Variants in PLEKHG1 observed in about 807,000 individuals in gnomAD.
PLEKHG1 encodes pleckstrin homology domain-containing family G member 1.
A neutral mutation model predicts 100.8 loss-of-function variants in PLEKHG1; 44 were observed. The observed-to-expected ratio is 0.44, with a 90% CI of 0.34 to 0.56. The LOEUF (loss-of-function observed/expected upper bound fraction) is 0.56. Ranked by LOEUF, PLEKHG1 falls within the 20% of genes least tolerant of loss-of-function variation. PLEKHG1 has a pLI of 0.01. For missense variants in PLEKHG1, 1,545 were observed against 1,720.9 expected, an observed-to-expected ratio of 0.90 and a Z score of 1.81; for synonymous variants, 640 against 662.5, an observed-to-expected ratio of 0.97 and a Z score of 0.52.
chr6:150,634,952 A>T (rs939268688), intron 1 of PLEKHG1, among the ~76,000 whole-genome samples: 1 of 152,216 alleles, frequency 6.6e-6, no homozygotes, highest in Non-Finnish European at 1.5e-5. Flanking sequence ...TGGGGGATGT[A>T]GAAACTTAAA....
intron 5 of PLEKHG1, among the ~76,000 whole-genome samples, chr6:150,797,284 A>T (rs1786398838): frequency 6.6e-6 from 1 of 152,166 alleles, no homozygotes; most frequent in African/African-American, 2.4e-5. Context: ...CAGCACGCTG[A>T]GCCCTGAGTG....
chr6:150,619,097 A>G (rs1171901207), intron 1 of PLEKHG1, among the ~76,000 whole-genome samples: 1 of 152,154 alleles, frequency 6.6e-6, no homozygotes, highest in Non-Finnish European at 1.5e-5. Context: ...AAAGAAAAAG[A>G]AAAAACAGTT....
intron 1 of PLEKHG1, among the ~76,000 whole-genome samples, chr6:150,601,515 C>T (rs1776358520): frequency 6.6e-6 from 1 of 152,124 alleles, no homozygotes; most frequent in African/African-American, 2.4e-5. Flanking sequence ...AGAAAAGTAA[C>T]GGGTTGATGT....
chr6:150,713,266 C>T (rs2128605222), intron 3 of PLEKHG1, among the ~76,000 whole-genome samples: 1 of 152,102 alleles, frequency 6.6e-6, no homozygotes, highest in Non-Finnish European at 1.5e-5. Context: ...CCTTCATTGC[C>T]TTCTTTAGTT....
At chr6:150,821,045 A>T (rs1776264530) in intron 12 of PLEKHG1, 150 bp from the exon 14 acceptor site, 1 of 631,718 alleles carries the variant, frequency 1.6e-6, no homozygotes, top group South Asian at 2.0e-5. Context: ...GCTCCTGTGT[A>T]TCTCTGAGCA....
intron 2 of PLEKHG1, among the ~76,000 whole-genome samples, chr6:150,759,284 A>G (rs9397354): frequency 0.37 from 55,957 of 151,918 alleles, 12,659 homozygotes; most frequent in African/African-American, 0.62. Context: ...TGGGTACCGC[A>G]TGTGAATGGG....
intron 1 of PLEKHG1, among the ~76,000 whole-genome samples, chr6:150,631,492 A>G (rs1777745608): frequency 6.6e-6 from 1 of 152,206 alleles, no homozygotes; most frequent in Admixed American, 6.5e-5. Flanking sequence ...CCTTACACCT[A>G]GTGGAGTCGG....
At chr6:150,802,912 G>A (rs1007921143) in intron 6 of PLEKHG1, among the ~76,000 whole-genome samples, 5 of 151,846 alleles carry the variant, frequency 3.3e-5, no homozygotes, top group East Asian at 3.9e-4. Flanking sequence ...CACCCACCTC[G>A]GCCCCTCAAA....
At chr6:150,673,978 T>G (rs1779657961) in intron 3 of PLEKHG1, among the ~76,000 whole-genome samples, 1 of 152,184 alleles carries the variant, frequency 6.6e-6, no homozygotes, top group African/African-American at 2.4e-5. Context: ...GAACTGTTTT[T>G]TTCTAAGCTC....
intron 2 of PLEKHG1, among the ~76,000 whole-genome samples, chr6:150,764,134 T>TTTTAA (rs58030958): frequency 6.6e-6 from 1 of 151,630 alleles, no homozygotes; most frequent in Non-Finnish European, 1.5e-5. Flanking sequence ...TTTTTTTTTT[T>TTTTAA]AAGACAGAGT....
chr6:150,749,489 C>A (rs1209324014), intron 2 of PLEKHG1, among the ~76,000 whole-genome samples: 2 of 152,082 alleles, frequency 1.3e-5, no homozygotes, highest in African/African-American at 4.8e-5. Flanking sequence ...GTGACATTAC[C>A]CTTTTTTCCC....
upstream of PLEKHG1, among the ~76,000 whole-genome samples, chr6:150,719,220 CTG>C (rs1781560729): frequency 1.3e-5 from 2 of 152,054 alleles, no homozygotes; most frequent in African/African-American, 4.8e-5. Flanking sequence ...AGCAACTTTG[CTG>C]TCTTTGTTTA....
chr6:150,819,116 ATT>A (rs56049606), intron 11 of PLEKHG1, among the ~76,000 whole-genome samples: 177 of 132,994 alleles, frequency 1.3e-3, no homozygotes, highest in Middle Eastern at 3.8e-3. Flanking sequence ...TTGCCTTCGG[ATT>A]TTTTTTTTTT....
chr6:150,744,349 C>T lies in PLEKHG1; in HGVS notation c.411+10257C>T, dbSNP rs185031545. ...TCGGCCTCCCAAAGTGTTGGGATTACAGGTGTGAGCCACCGCGCCTGGCCC... is the reference window on the plus strand; with the variant it reads ...TCGGCCTCCCAAAGTGTTGGGATTATAGGTGTGAGCCACCGCGCCTGGCCC... On this transcript the variant is annotated intron_variant, in intron 2 of 15. Transcript: ENST00000358517. Among the ~76,000 whole-genome samples, 15 of 152,330 alleles carry T rather than the reference C, an allele frequency of 9.8e-5. No homozygotes were observed. The East Asian group carries it at 1.5e-3, about 16-fold the overall frequency.
chr6:150,827,667 A>C, intron 14 of PLEKHG1: 1 of 891,672 alleles, frequency 1.1e-6, no homozygotes, highest in Non-Finnish European at 1.9e-6. Context: ...AACAAGATGC[A>C]GGACCCCAAC....
intron 3 of PLEKHG1, among the ~76,000 whole-genome samples, chr6:150,702,405 G>A (rs918632050): frequency 2.0e-5 from 3 of 152,162 alleles, no homozygotes; most frequent in African/African-American, 7.2e-5. Context: ...CAGAGGCAGA[G>A]GTTGCAGAGA....
chr6:150,744,926 G>GT (rs1783073021), intron 2 of PLEKHG1, among the ~76,000 whole-genome samples: 1 of 152,194 alleles, frequency 6.6e-6, no homozygotes, highest in Non-Finnish European at 1.5e-5. Context: ...CACAGGGATT[G>GT]TTTTTACTCC....
At chr6:150,618,716 C>T (rs1367970066) in intron 1 of PLEKHG1, among the ~76,000 whole-genome samples, 1 of 152,088 alleles carries the variant, frequency 6.6e-6, no homozygotes, top group Non-Finnish European at 1.5e-5. Context: ...ATGGCTTCAA[C>T]ACCTGGCTTA....
intron 5 of PLEKHG1, among the ~76,000 whole-genome samples, chr6:150,799,618 T>C (rs1054174670): frequency 1.3e-5 from 2 of 152,214 alleles, no homozygotes; most frequent in African/African-American, 4.8e-5. Flanking sequence ...CTTAGAAATG[T>C]TCCTAGGTTA....
Sources: allele counts gnomAD v4.1 joint callset (sites outside exome capture counted in the v4.1 genomes callset), GRCh38; gene constraint gnomAD v4.1.1; transcripts MANE v1.5; gene names NCBI Gene and HGNC (gene_info 2026-07-23, HGNC 2026-07-21).